Variants in TSTD2 observed in about 807,000 individuals in gnomAD.
TSTD2 encodes thiosulfate sulfurtransferase/rhodanese-like domain-containing protein 2.
In TSTD2, 37 loss-of-function variants were observed where a neutral mutation model predicts 47.9. That is an observed-to-expected ratio of 0.77 (90% CI 0.59 to 1.02). The LOEUF is 1.02. TSTD2 is among the 50% of genes least tolerant of loss of function. The pLI is 0.00. For synonymous variants in TSTD2, 201 were observed against 215.9 expected, an observed-to-expected ratio of 0.93 and a Z score of 0.61; for missense variants, 586 against 616.0, an observed-to-expected ratio of 0.95 and a Z score of 0.52.
chr9:97,614,652 AG>A (rs1292599597), intron 4 of TSTD2, among the ~76,000 whole-genome samples: 1 of 152,206 alleles, frequency 6.6e-6, no homozygotes, highest in Non-Finnish European at 1.5e-5. Context: ...CGCCATGTGA[AG>A]GTGCAGGGAA....
Position 97,617,768 on chromosome 9 carries a change from G to T in TSTD2, c.592C>A (p.Leu198Ile), listed in dbSNP as rs1319219295. The change falls in exon 4 of 10, where the codon CTC becomes ATC. Residue 198 changes from leucine to isoleucine, a missense_variant. Leu to Ile is a conservative substitution (Grantham distance 5). Coordinates refer to ENST00000341170, the MANE Select transcript of TSTD2 (RefSeq NM_139246.5). Reference sequence around the variant, plus strand: ...GGAGAAGGTGTTACCTTGCCTGTGAGGTGCAGGTGCTGACACAGAGCTGTC... The same window carrying T: ...GGAGAAGGTGTTACCTTGCCTGTGATGTGCAGGTGCTGACACAGAGCTGTC... ...WQTALCQHLH[L>I]TGKIRIAAEG... 20 of 1,613,300 alleles carry T rather than the reference G, an allele frequency of 1.2e-5. No homozygotes were observed. The highest frequency in any genetic ancestry group is 1.6e-5 in the Non-Finnish European group (19 of 1,179,788).
chr9:97,600,679 G>T lies in TSTD2; in HGVS notation c.*1790C>A. 1 of 996,180 alleles carries T rather than the reference G, an allele frequency of 1.0e-6. No homozygotes were observed. The highest frequency in any genetic ancestry group is 1.2e-6 in the Non-Finnish European group (1 of 836,578). 61.7% of individuals were successfully genotyped at this position (996,180 alleles called of 1,614,324 possible). ...TTAGACAAATTGCTGCTGACCTTAC[G>T]CCTGTATATTAAGCCTCCGCAGGAT... On this transcript the variant is annotated 3_prime_UTR_variant, in exon 10 of 10. Transcript: ENST00000341170.
intron 1 of TSTD2, among the ~76,000 whole-genome samples, chr9:97,632,736 G>A (rs1472066963): frequency 1.3e-5 from 2 of 152,196 alleles, no homozygotes; most frequent in Non-Finnish European, 2.9e-5. Context: ...TTCTGGATTT[G>A]TGTTGAAAGC....
At chr9:97,626,328 G>A (rs1167375014) in intron 2 of TSTD2, among the ~76,000 whole-genome samples, 4 of 152,172 alleles carry the variant, frequency 2.6e-5, no homozygotes, top group South Asian at 2.1e-4. Context: ...AGTTATTTTC[G>A]AAAGGAATAT....
intron 1 of TSTD2, among the ~76,000 whole-genome samples, chr9:97,631,556 GAAGT>G (rs1257765375): frequency 1.3e-5 from 2 of 152,126 alleles, no homozygotes; most frequent in Admixed American, 6.5e-5. Flanking sequence ...GGGAGCATGA[GAAGT>G]AACTATTAAA....
In TSTD2 at chr9:97,601,368, C is replaced by A; in HGVS notation, c.*1101G>T. ...CTGGATGACCTCAGTAAGAATGTGT[C>A]ATGTATTCCAGGTGCTGATCTAAAA... is the stretch of plus-strand genomic sequence containing the variant. On this transcript the variant is annotated 3_prime_UTR_variant, in exon 10 of 10. Transcript: ENST00000341170. 1 of 1,093,866 alleles carries A rather than the reference C, an allele frequency of 9.1e-7. No individual in the cohort carries two copies. The highest frequency in any genetic ancestry group is 1.1e-6 in the Non-Finnish European group (1 of 890,176). The allele number at this position is 1,093,866 out of a possible 1,614,324, so 67.8% of individuals were successfully genotyped here. A position where few individuals can be genotyped will look rare whatever the true frequency, so the allele number is the denominator to read the frequency against.
At position 97,601,539 on chromosome 9, in the gene TSTD2, A is replaced by G. The variant is rs946234728; in HGVS notation, c.*930T>C. 2 of 990,296 alleles carry G rather than the reference A, an allele frequency of 2.0e-6. No individual in the cohort carries two copies. Among genetic ancestry groups the G allele is most frequent in the African/African-American group, 1.7e-5 (1 of 57,306 alleles). 61.3% of individuals were successfully genotyped at this position (990,296 alleles called of 1,614,324 possible). ...AAACCAACAGAAAATGAAGAAGGCC[A>G]CATCTTTAAGGCCACCTCTGCCTCT... On this transcript the variant is annotated 3_prime_UTR_variant, in exon 10 of 10. Transcript: ENST00000341170.
chr9:97,617,269 C>G (rs1266465294), intron 4 of TSTD2, among the ~76,000 whole-genome samples: 1 of 152,154 alleles, frequency 6.6e-6, no homozygotes, highest in Non-Finnish European at 1.5e-5. Context: ...TGTCAATACC[C>G]TGAGCTGGTA....
chr9:97,620,917 G>C (rs183824664), intron 3 of TSTD2, among the ~76,000 whole-genome samples: 3 of 152,306 alleles, frequency 2.0e-5, no homozygotes, highest in African/African-American at 7.2e-5. Context: ...CATTTTCTGA[G>C]GAGAAATTCA....
At chr9:97,629,655 C>T (rs1424241661) in intron 1 of TSTD2, among the ~76,000 whole-genome samples, 1 of 152,222 alleles carries the variant, frequency 6.6e-6, no homozygotes, top group Admixed American at 6.5e-5. Context: ...TGTAAGCCTT[C>T]CAGGCAGAAG....
intron 6 of TSTD2, among the ~76,000 whole-genome samples, chr9:97,607,432 C>A (rs1181205204): frequency 2.0e-5 from 3 of 152,168 alleles, no homozygotes; most frequent in African/African-American, 7.2e-5. Context: ...CCCCAACAAC[C>A]AATGAAACTA....
In TSTD2 at chr9:97,615,934, C is replaced by G. The variant is rs529275438; in HGVS notation, c.603+1823G>C. Among the ~76,000 whole-genome samples, 3 of 151,780 alleles carry G rather than the reference C, an allele frequency of 2.0e-5. No individual in the cohort carries two copies. The South Asian group carries it at 6.3e-4, about 32-fold the overall frequency. On this transcript the variant is annotated intron_variant, in intron 4 of 9. Transcript: ENST00000341170. ...TGCTTGAAAAAAATATAGCTTTTCC[C>G]CTTTAGGAGCTTACAGACTATGGGA...
Position 97,610,447 on chromosome 9 carries a change from C to A in TSTD2, c.734G>T (p.Ser245Ile). 1 of 1,559,116 alleles carries A rather than the reference C, an allele frequency of 6.4e-7. No homozygotes were observed. Among genetic ancestry groups the A allele is most frequent in the Non-Finnish European group, 8.7e-7 (1 of 1,155,842 alleles). The change falls in exon 6 of 10, where the codon AGC (serine) becomes ATC (isoleucine). Residue 245 changes from serine to isoleucine, a missense_variant. By Grantham distance (142) the Ser-to-Ile change is moderately radical. Transcript: ENST00000341170. Reference sequence around the variant, plus strand: ...TGGAAAACAGTGAGCTCCTCCTTTGCTGGTCTAGCCAATGAGAAACAAAAC... The same window carrying A: ...TGGAAAACAGTGAGCTCCTCCTTTGATGGTCTAGCCAATGAGAAACAAAAC... Reference protein sequence around the residue: ...DDLCKDDFKTSKGGAHCFPEL... With the variant: ...DDLCKDDFKTIKGGAHCFPEL...
intron 6 of TSTD2, among the ~76,000 whole-genome samples, chr9:97,609,639 A>G (rs906561131): frequency 4.6e-5 from 7 of 152,226 alleles, no homozygotes; most frequent in Non-Finnish European, 7.3e-5. Context: ...TTAAGATGTG[A>G]TATCGTTTTG....
chr9:97,602,666 A>C lies in TSTD2; in HGVS notation c.1354T>G (p.Phe452Val). The stretch of plus-strand genomic sequence containing the variant: ...TGACATGTGACACAACAGGCTGTGA[A>C]TCCTTGTCCTTGACAGGCAGGGCAG... ...LTCPACQGQG[F>V]TACCVTCQDK... The change falls in exon 10 of 10, where the codon TTC becomes GTC. Residue 452 changes from phenylalanine to valine, a missense_variant. Coordinates refer to ENST00000341170, the MANE Select transcript of TSTD2 (RefSeq NM_139246.5). 1 of 1,614,208 alleles carries C rather than the reference A, an allele frequency of 6.2e-7. No individual in the cohort carries two copies. Among genetic ancestry groups the C allele is most frequent in the Non-Finnish European group, 8.5e-7 (1 of 1,180,024 alleles).
intron 2 of TSTD2, 122 bp downstream of exon 2, chr9:97,627,276 C>A: frequency 7.0e-7 from 1 of 1,421,238 alleles, no homozygotes; most frequent in South Asian, 1.6e-5. Flanking sequence ...GAATTAACAT[C>A]ACTGGTTAAT....
At chr9:97,621,985 A>C (rs13296331) in intron 3 of TSTD2, among the ~76,000 whole-genome samples, 6,995 of 152,238 alleles carry the variant, frequency 0.046, 221 homozygotes, top group Non-Finnish European at 0.069. Flanking sequence ...GAACTTACCA[A>C]CATGTGAAGC....
Position 97,602,712 on chromosome 9 carries a change from C to T in TSTD2, c.1308G>A (p.Gln436=). 2 of 1,614,154 alleles carry T rather than the reference C, an allele frequency of 1.2e-6. No homozygotes were observed. The highest frequency in any genetic ancestry group is 1.7e-5 in the Admixed American group (1 of 60,016). The stretch of plus-strand genomic sequence containing the variant: ...GGCAGGTCAAAACGAGCTGGCGGCA[C>T]TGGGGAGTAGAGCAGAGTTTATACT... ...WDQYKLCSTP[Q]CRQLVLTCPA... Residue 436 remains glutamine, a synonymous_variant, in exon 10 of 10, where the codon CAG becomes CAA. Transcript: ENST00000341170.
Position 97,633,259 on chromosome 9 carries a change from T to C in TSTD2, c.-67A>G, listed in dbSNP as rs1194517351. On this transcript the variant is annotated 5_prime_UTR_variant, in exon 1 of 10. Transcript: ENST00000341170. ...AGCACATACCCGCCAGTCCTGATCC[T>C]TTCTAAGGTCTCTCTTCCCTGCACT... The C allele has an allele frequency of 1.0e-5, 2 of 200,014 alleles. No individual in the cohort carries two copies. The highest frequency in any genetic ancestry group is 2.0e-5 in the Non-Finnish European group (2 of 99,826). The allele number at this position is 200,014 out of a possible 1,614,324, so 12.4% of individuals were successfully genotyped here.
Sources: gnomAD v4.1 joint callset for allele counts (sites outside exome capture counted in the v4.1 genomes callset) on GRCh38, gnomAD v4.1.1 for gene constraint, MANE v1.5 for transcripts, NCBI Gene and HGNC (gene_info 2026-07-23, HGNC 2026-07-21) for gene names.